Variants in DCLK3 observed in about 807,000 individuals in gnomAD.
DCLK3 encodes doublecortin like kinase 3.
Under a neutral mutation model 46.4 loss-of-function variants are expected in DCLK3, and 30 were observed. That is an observed-to-expected ratio of 0.65 (90% CI 0.48 to 0.88). The LOEUF is 0.88. DCLK3 is among the 40% of genes least tolerant of loss of function. The probability of loss-of-function intolerance (pLI) is 0.00; values close to 1 mark genes in which losing one functional copy is unlikely to be tolerated. For synonymous variants in DCLK3, 401 were observed against 339.2 expected (o/e 1.18, Z -2.00); for missense variants, 846 against 907.1 (o/e 0.93, Z 0.87).
chr3:36,744,878 C>T (rs1381275433), intron 1 of DCLK3, among the ~76,000 whole-genome samples: 1 of 152,218 alleles, frequency 6.6e-6, no homozygotes, highest in Non-Finnish European at 1.5e-5. Flanking sequence ...GGAATTTCTG[C>T]TCATCGACCC....
chr3:36,724,571 T>C (rs1701102317), intron 2 of DCLK3, among the ~76,000 whole-genome samples: 5 of 152,050 alleles, frequency 3.3e-5, no homozygotes. Context: ...CCTGTGCTGT[T>C]CTCATGATAG....
rs1342628881 is a variant in DCLK3, at chr3:36,737,569, T to A, written c.1598A>T (p.Asp533Val). The A allele has an allele frequency of 1.2e-6, 2 of 1,613,998 alleles. No homozygotes were observed. The highest frequency in any genetic ancestry group is 1.7e-5 in the Admixed American group (1 of 59,994). The change falls in exon 2 of 5, where the codon GAT (aspartate) becomes GTT (valine). Residue 533 changes from aspartate to valine, a missense_variant. By Grantham distance (152) the Asp-to-Val change is radical. Transcript: ENST00000636136. The surrounding 1 kb of genome is among the most constrained non-coding windows in gnomAD (Gnocchi z 4.4). ...KHYETGRVIG[D>V]GNFAVVKECR... ...CTCCTTCACGACAGCAAAGTTCCCATCCCCAATGACCCGGCCAGTCTCATA... is the reference window on the plus strand; with the variant it reads ...CTCCTTCACGACAGCAAAGTTCCCAACCCCAATGACCCGGCCAGTCTCATA...
chr3:36,717,641 T>C (rs1316218114), intron 4 of DCLK3, among the ~76,000 whole-genome samples: 29 of 152,230 alleles, frequency 1.9e-4, no homozygotes, highest in Admixed American at 1.9e-3. Flanking sequence ...GACCCTTGAT[T>C]ATGCATGTGT....
chr3:36,756,210 G>A (rs1482701386), intron 1 of DCLK3, among the ~76,000 whole-genome samples: 1 of 152,218 alleles, frequency 6.6e-6, no homozygotes, highest in African/African-American at 2.4e-5. Flanking sequence ...GGGAACCTCT[G>A]GAGAGATTGA....
At chr3:36,720,969 A>G (rs964202195) in intron 3 of DCLK3, among the ~76,000 whole-genome samples, 3 of 152,196 alleles carry the variant, frequency 2.0e-5, no homozygotes, top group African/African-American at 7.2e-5. Context: ...ATAGTCATTC[A>G]TATATTTAGA....
chr3:36,740,976 C>T (rs1463694431), intron 1 of DCLK3, among the ~76,000 whole-genome samples: 1 of 152,138 alleles, frequency 6.6e-6, no homozygotes, highest in Non-Finnish European at 1.5e-5. Flanking sequence ...TCCATCTAGA[C>T]GCAGGTGTCA....
chr3:36,749,323 A>G (rs1701419343), intron 1 of DCLK3, among the ~76,000 whole-genome samples: 2 of 152,206 alleles, frequency 1.3e-5, no homozygotes, highest in Non-Finnish European at 2.9e-5. Flanking sequence ...ACAAGACTTC[A>G]TAGTTTCCTT....
intron 1 of DCLK3, among the ~76,000 whole-genome samples, chr3:36,761,646 C>T (rs974269162): frequency 1.3e-5 from 2 of 152,162 alleles, no homozygotes; most frequent in East Asian, 3.8e-4. Context: ...GATGCCAGAT[C>T]AGATACAATG....
intron 1 of DCLK3, among the ~76,000 whole-genome samples, chr3:36,751,107 T>C (rs1701438259): frequency 7.1e-6 from 1 of 141,494 alleles, no homozygotes; most frequent in Non-Finnish European, 1.5e-5. Flanking sequence ...TGTATTAAGA[T>C]TCCAAACGAA....
chr3:36,759,164 C>T (rs1238571482), intron 1 of DCLK3, among the ~76,000 whole-genome samples: 1 of 152,160 alleles, frequency 6.6e-6, no homozygotes, highest in African/African-American at 2.4e-5. Flanking sequence ...TCCCATATTA[C>T]TCTTATTTGA....
At chr3:36,724,475 C>A (rs547187810) in intron 2 of DCLK3, among the ~76,000 whole-genome samples, 151 of 152,276 alleles carry the variant, frequency 9.9e-4, no homozygotes, top group African/African-American at 3.5e-3. Flanking sequence ...CCACCCAAAT[C>A]TCATCTTGAA....
In DCLK3 at chr3:36,715,219, A is replaced by C; in HGVS notation, c.*109T>G. The C allele has an allele frequency of 7.9e-7, 1 of 1,262,740 alleles. No homozygotes were observed. Among genetic ancestry groups the C allele is most frequent in the Non-Finnish European group, 1.1e-6 (1 of 927,228 alleles). 78.2% of individuals were successfully genotyped at this position (1,262,740 alleles called of 1,614,324 possible). A position where few individuals can be genotyped will look rare whatever the true frequency, so the allele number is the denominator to read the frequency against. On this transcript the variant is annotated 3_prime_UTR_variant, in exon 5 of 5. Transcript: ENST00000636136. ...AATATACTCAGTGTCTCTCCCTCTG[A>C]TTCACCAATTATGTGAAGAAGCCTC...
intron 2 of DCLK3, among the ~76,000 whole-genome samples, chr3:36,731,900 G>T (rs1195918760): frequency 6.6e-6 from 1 of 152,162 alleles, no homozygotes; most frequent in Non-Finnish European, 1.5e-5. Flanking sequence ...CTAGACCTGA[G>T]ACCTCAGAAA....
At chr3:36,717,974 C>G (rs769641958) in intron 4 of DCLK3, 36 bp downstream of exon 4, 3 of 1,612,340 alleles carry the variant, frequency 1.9e-6, no homozygotes, top group African/African-American at 2.7e-5. Context: ...AAAACCCATC[C>G]GCTCCTCTGC....
intron 1 of DCLK3, among the ~76,000 whole-genome samples, chr3:36,750,832 G>C (rs950748096): frequency 6.6e-6 from 1 of 152,124 alleles, no homozygotes; most frequent in African/African-American, 2.4e-5. Context: ...AGATTTAGAG[G>C]TGTCATTTAT....
At chr3:36,735,339 A>G (rs541450545) in intron 2 of DCLK3, among the ~76,000 whole-genome samples, 1 of 152,256 alleles carries the variant, frequency 6.6e-6, no homozygotes, top group Non-Finnish European at 1.5e-5. Flanking sequence ...CAGCTAATGC[A>G]AAAAATGAAA....
intron 1 of DCLK3, among the ~76,000 whole-genome samples, chr3:36,755,647 G>C (rs1701478600): frequency 6.6e-6 from 1 of 152,110 alleles, no homozygotes; most frequent in Admixed American, 6.5e-5. Context: ...CATTAAAGGA[G>C]GTCATGGGTA....
rs1701309911 is a variant in DCLK3 at position 36,739,005 on chromosome 3, C to T, written c.162G>A (p.Leu54=). 3 of 398,914 alleles carry T rather than the reference C, an allele frequency of 7.5e-6. No individual in the cohort carries two copies. The highest frequency in any genetic ancestry group is 1.3e-5 in the Non-Finnish European group (3 of 226,146). The allele number at this position is 398,914 out of a possible 1,614,324, so 24.7% of individuals were successfully genotyped here. The stretch of plus-strand genomic sequence containing the variant: ...TCTCCAGATTCCCTCGGCTGGCAGG[C>T]AGCCAGGAGCCTTGCAGCTTCCGCT... ...ITERKLQGSW[L]PASRGNLEKP... The change falls in exon 2 of 5, where the codon CTG becomes CTA. Residue 54 remains leucine (L), a synonymous_variant. Coordinates refer to ENST00000636136, the MANE Select transcript of DCLK3 (RefSeq NM_001394672.2).
At chr3:36,722,686 A>C (rs1199101929) in intron 2 of DCLK3, among the ~76,000 whole-genome samples, 1 of 152,184 alleles carries the variant, frequency 6.6e-6, no homozygotes, top group Non-Finnish European at 1.5e-5. Flanking sequence ...AGTTTTAAAA[A>C]TGGGAGTTTG....
Sources: allele counts gnomAD v4.1 joint callset (sites outside exome capture counted in the v4.1 genomes callset), GRCh38; gene constraint gnomAD v4.1.1; non-coding constraint Gnocchi (gnomAD v3.1); transcripts MANE v1.5; gene names NCBI Gene and HGNC (gene_info 2026-07-23, HGNC 2026-07-21).